The following BRINP3 variants were observed in gnomAD, a reference collection of about 807,000 sequenced individuals.
BRINP3 encodes BMP/retinoic acid-inducible neural-specific protein 3.
BRINP3 carries 19 observed loss-of-function variants against 71.0 expected under a neutral mutation model. The observed-to-expected ratio is 0.27, with a 90% CI of 0.19 to 0.39. BRINP3 has a LOEUF of 0.39. BRINP3 is among the 10% of genes least tolerant of loss of function. The pLI is 1.00. For missense variants in BRINP3, 959 were observed against 940.8 expected (o/e 1.02, Z -0.25); for synonymous variants, 380 against 337.7 (o/e 1.13, Z -1.37).
intron 2 of BRINP3, among the ~76,000 whole-genome samples, chr1:190,385,823 A>G (rs1465682071): frequency 2.0e-5 from 3 of 151,126 alleles, no homozygotes; most frequent in Non-Finnish European, 4.4e-5. Context: ...AAAGACTTGG[A>G]ACCAACCCAA....
At chr1:190,374,769 A>G (rs1280654483) in intron 2 of BRINP3, among the ~76,000 whole-genome samples, 1 of 152,008 alleles carries the variant, frequency 6.6e-6, no homozygotes, top group African/African-American at 2.4e-5. Context: ...GGAAAAATTT[A>G]AAACATTTTT....
chr1:190,368,029 C>T (rs754293870), intron 2 of BRINP3, among the ~76,000 whole-genome samples: 4 of 152,152 alleles, frequency 2.6e-5, no homozygotes, highest in Non-Finnish European at 2.9e-5. Context: ...GTTACTTCTA[C>T]ATTTTGGGGT....
intron 1 of BRINP3, among the ~76,000 whole-genome samples, chr1:190,473,773 A>AT (rs200647038): frequency 0.024 from 3,435 of 142,380 alleles, 103 homozygotes; most frequent in African/African-American, 0.072. Flanking sequence ...ATAATTTTCT[A>AT]TTTTTTTTTT....
At chr1:190,211,769 G>A (rs1297305349) in intron 6 of BRINP3, among the ~76,000 whole-genome samples, 1 of 152,040 alleles carries the variant, frequency 6.6e-6, no homozygotes, top group Non-Finnish European at 1.5e-5. Flanking sequence ...TAAAACACCT[G>A]TTTGGCACTC....
In BRINP3 at chr1:190,312,734, A is replaced by C. The variant is rs148852700; in HGVS notation, c.237-30984T>G. Among the ~76,000 whole-genome samples, 832 of 151,982 alleles carry C rather than the reference A, an allele frequency of 5.5e-3. 5 individuals are homozygous for C. Among genetic ancestry groups the C allele is most frequent in the African/African-American group, 0.018 (759 of 41,542 alleles). On this transcript the variant is annotated intron_variant, in intron 2 of 7. Transcript: ENST00000367462. The stretch of plus-strand genomic sequence containing the variant: ...ATAGTAAGACCAAATCTTAAATTAA[A>C]TCTCATTTTGCATCATCCGATAATA...
intron 4 of BRINP3, among the ~76,000 whole-genome samples, chr1:190,263,425 C>G (rs1188176887): frequency 6.6e-6 from 1 of 152,060 alleles, no homozygotes; most frequent in Non-Finnish European, 1.5e-5. Flanking sequence ...CTACTAGCAA[C>G]ATTAGGATTT....
chr1:190,274,996 AAT>A (rs941761395), intron 3 of BRINP3, among the ~76,000 whole-genome samples: 2 of 151,634 alleles, frequency 1.3e-5, no homozygotes, highest in Non-Finnish European at 3.0e-5. Context: ...AAAGAAACAT[AAT>A]ATGTTTTGCA....
chr1:190,234,224 T>G (rs920473612), intron 5 of BRINP3, 148 bp downstream of exon 5: 11 of 471,578 alleles, frequency 2.3e-5, no homozygotes, highest in Admixed American at 4.0e-5. Flanking sequence ...TATTTTCTTG[T>G]ATCAGTTAAA....
intron 5 of BRINP3, among the ~76,000 whole-genome samples, chr1:190,228,372 C>T (rs1657603361): frequency 6.6e-6 from 1 of 151,880 alleles, no homozygotes; most frequent in Admixed American, 6.6e-5. Context: ...CCATTTTAAT[C>T]TTAATTTCAC....
intron 6 of BRINP3, among the ~76,000 whole-genome samples, chr1:190,211,092 A>G (rs2102649943): frequency 6.6e-6 from 1 of 152,046 alleles, no homozygotes; most frequent in Non-Finnish European, 1.5e-5. Flanking sequence ...ACTCGGACTG[A>G]CCCACCACTG....
At chr1:190,301,484 T>C (rs903195270) in intron 2 of BRINP3, among the ~76,000 whole-genome samples, 3 of 151,530 alleles carry the variant, frequency 2.0e-5, no homozygotes, top group African/African-American at 7.3e-5. Context: ...TTTTCCTTTT[T>C]CCATTCTTTC....
chr1:190,141,631 C>T (rs141089509), intron 7 of BRINP3, among the ~76,000 whole-genome samples: 24 of 144,894 alleles, frequency 1.7e-4, no homozygotes, highest in African/African-American at 3.1e-4. Context: ...GCACGATCTC[C>T]GCTCACTGCA....
chr1:190,306,062 T>C (rs534607428), intron 2 of BRINP3, among the ~76,000 whole-genome samples: 213 of 152,040 alleles, frequency 1.4e-3, no homozygotes, highest in African/African-American at 5.0e-3. Flanking sequence ...ATGATAACTA[T>C]ATTCAGCCAT....
chr1:190,472,143 A>G (rs1047946928), intron 1 of BRINP3, among the ~76,000 whole-genome samples: 4 of 151,642 alleles, frequency 2.6e-5, no homozygotes, highest in African/African-American at 9.7e-5. Flanking sequence ...GTCCTTTTAA[A>G]GCATCCATAT....
At chr1:190,104,260 A>G (rs936639135) in intron 7 of BRINP3, among the ~76,000 whole-genome samples, 1 of 151,982 alleles carries the variant, frequency 6.6e-6, no homozygotes, top group Non-Finnish European at 1.5e-5. Context: ...TTAGCTTGAG[A>G]CCATTTTCTT....
intron 2 of BRINP3, among the ~76,000 whole-genome samples, chr1:190,396,792 T>C (rs182141359): frequency 3.4e-5 from 5 of 146,440 alleles, no homozygotes; most frequent in Admixed American, 6.9e-5. Context: ...TCTTAAATCT[T>C]CCCATCTGCT....
chr1:190,313,309 G>A (rs1665658263), intron 2 of BRINP3, among the ~76,000 whole-genome samples: 1 of 151,846 alleles, frequency 6.6e-6, no homozygotes, highest in African/African-American at 2.4e-5. Flanking sequence ...TGTATATCAT[G>A]TTAATAGGAA....
chr1:190,190,295 C>T (rs928171970), intron 6 of BRINP3, among the ~76,000 whole-genome samples: 3 of 152,112 alleles, frequency 2.0e-5, no homozygotes, highest in African/African-American at 7.2e-5. Context: ...CTTCTCTTTT[C>T]CCCAAGCAGA....
At chr1:190,333,427 GAAAA>G (rs975933702) in intron 2 of BRINP3, among the ~76,000 whole-genome samples, 1 of 151,424 alleles carries the variant, frequency 6.6e-6, no homozygotes, top group Non-Finnish European at 1.5e-5. Flanking sequence ...TCAAGAGAGT[GAAAA>G]AAATCAAAAT....
Sources: gnomAD v4.1 joint callset for allele counts (sites outside exome capture counted in the v4.1 genomes callset) on GRCh38, gnomAD v4.1.1 for gene constraint, MANE v1.5 for transcripts, NCBI Gene and HGNC (gene_info 2026-07-23, HGNC 2026-07-21) for gene names.